SMARCC1: variants seen among roughly 807,000 people sequenced by gnomAD.
The protein encoded by SMARCC1 is SWI/SNF related BAF chromatin remodeling complex subunit C1, also known as SWI/SNF complex subunit SMARCC1.
In SMARCC1, 43 loss-of-function variants were observed where a neutral mutation model predicts 147.4. That is an observed-to-expected ratio of 0.29 (90% CI 0.23 to 0.38). The LOEUF (loss-of-function observed/expected upper bound fraction) is 0.38, where lower values mean the gene tolerates loss of function less well. Ranked by LOEUF, SMARCC1 falls within the 10% of genes least tolerant of loss-of-function variation. The pLI is 1.00. For missense variants in SMARCC1, 1,119 were observed against 1,381.1 expected (o/e 0.81, Z 3.01); for synonymous variants, 495 against 484.4 (o/e 1.02, Z -0.29).
chr3:47,722,293 A>AT (rs34260316), intron 6 of SMARCC1, among the ~76,000 whole-genome samples: 2,353 of 107,056 alleles, frequency 0.022, 146 homozygotes, highest in African/African-American at 0.068. Flanking sequence ...ACAAATTTTG[A>AT]TTTTTTTTTT....
rs71070217 is a variant in SMARCC1 at position 47,718,138 on chromosome 3, C to CAA, written c.716+2526_716+2527dup. ...TGGGTAACAGAGCAAGACCTTGTCT[C>CAA]AAAAAAAAAAAAAAAAAAAAAAAAG... On this transcript the variant is annotated intron_variant, in intron 7 of 27. Coordinates refer to ENST00000254480, the MANE Select transcript of SMARCC1 (RefSeq NM_003074.4). Among the ~76,000 whole-genome samples the CAA allele has an allele frequency of 6.2e-3, 334 of 53,542 alleles. 5 individuals are homozygous for CAA. The highest frequency in any genetic ancestry group is 0.035 in the South Asian group (43 of 1,234). 35.1% of individuals were successfully genotyped at this position (53,542 alleles called of 152,430 possible).
At chr3:47,629,898 T>C (rs927942055) in intron 24 of SMARCC1, among the ~76,000 whole-genome samples, 2 of 151,976 alleles carry the variant, frequency 1.3e-5, no homozygotes, top group African/African-American at 2.4e-5. Context: ...CATCGTTACA[T>C]AGCAATAAAT....
At chr3:47,743,734 A>AGTTCT (rs926616747) in intron 3 of SMARCC1, among the ~76,000 whole-genome samples, 3 of 150,384 alleles carry the variant, frequency 2.0e-5, no homozygotes, top group African/African-American at 7.4e-5. Context: ...AACTGCTTGA[A>AGTTCT]CCTGGGAGGT....
chr3:47,678,693 C>G (rs896629744), intron 15 of SMARCC1, among the ~76,000 whole-genome samples: 2 of 152,190 alleles, frequency 1.3e-5, no homozygotes, highest in African/African-American at 4.8e-5. Flanking sequence ...GTATGTCTGA[C>G]AATTGAATCC....
chr3:47,608,585 C>A (rs13085978), intron 26 of SMARCC1, among the ~76,000 whole-genome samples: 40,881 of 151,922 alleles, frequency 0.27, 6,090 homozygotes, highest in South Asian at 0.43. Flanking sequence ...AGAGCTCATG[C>A]CTGTAATCCC....
intron 25 of SMARCC1, among the ~76,000 whole-genome samples, chr3:47,621,413 C>T (rs548154505): frequency 1.3e-5 from 2 of 152,174 alleles, no homozygotes; most frequent in South Asian, 2.1e-4. Flanking sequence ...ACTAGGTGCC[C>T]ATCAATAGTG....
chr3:47,636,692 T>C (rs2032973207), intron 22 of SMARCC1, among the ~76,000 whole-genome samples: 2 of 151,572 alleles, frequency 1.3e-5, no homozygotes, highest in Non-Finnish European at 1.5e-5. Context: ...GAGGCAGAGA[T>C]TGCAGTGACC....
At chr3:47,637,579 G>A (rs1426547343) in intron 22 of SMARCC1, among the ~76,000 whole-genome samples, 13 of 152,154 alleles carry the variant, frequency 8.5e-5, no homozygotes, top group Admixed American at 8.5e-4. Flanking sequence ...GGATGTGGTG[G>A]CGCGTGGCTG....
intron 26 of SMARCC1, among the ~76,000 whole-genome samples, chr3:47,598,313 G>A (rs1193604789): frequency 2.6e-5 from 4 of 152,132 alleles, no homozygotes; most frequent in African/African-American, 7.2e-5. Flanking sequence ...GCCTGCAGAC[G>A]AAAGAACACT....
intron 19 of SMARCC1, among the ~76,000 whole-genome samples, chr3:47,667,152 C>A (rs1179215569): frequency 1.3e-5 from 2 of 151,764 alleles, no homozygotes; most frequent in African/African-American, 4.8e-5. Context: ...CTCGTCTCTA[C>A]TAAAAACACA....
At chr3:47,707,395 A>G (rs1476384307) in intron 9 of SMARCC1, among the ~76,000 whole-genome samples, 1 of 152,170 alleles carries the variant, frequency 6.6e-6, no homozygotes, top group African/African-American at 2.4e-5. Context: ...ACATAAAAAA[A>G]GCTTCCAGAC....
At chr3:47,608,338 C>T (rs1420060925) in intron 26 of SMARCC1, among the ~76,000 whole-genome samples, 1 of 152,130 alleles carries the variant, frequency 6.6e-6, no homozygotes, top group Non-Finnish European at 1.5e-5. Context: ...CCGCCCGCCT[C>T]GGCCTCCCAA....
chr3:47,676,866 G>C, intron 16 of SMARCC1, 84 bp from the exon 17 acceptor site: 1 of 1,232,256 alleles, frequency 8.1e-7, no homozygotes, highest in Admixed American at 2.1e-5. Context: ...TTAAAAAACA[G>C]AAACAATAAA....
intron 8 of SMARCC1, 60 bp downstream of exon 8, chr3:47,714,355 G>T: frequency 1.0e-6 from 1 of 956,170 alleles, no homozygotes; most frequent in Non-Finnish European, 1.7e-6. Context: ...AGAGTGAGAC[G>T]CCATCTCAAA....
At chr3:47,667,643 T>C (rs1299540865) in intron 19 of SMARCC1, among the ~76,000 whole-genome samples, 1 of 151,396 alleles carries the variant, frequency 6.6e-6, no homozygotes, top group Non-Finnish European at 1.5e-5. Context: ...CTCTGGGAGG[T>C]TGAGGCGGGC....
At chr3:47,772,687 A>T (rs1202828218) in intron 2 of SMARCC1, 130 bp downstream of exon 2, 1 of 796,622 alleles carries the variant, frequency 1.3e-6, no homozygotes, top group East Asian at 2.7e-5. Flanking sequence ...TTCTATAACT[A>T]AAATTTGTTT....
rs770367730 is a variant in SMARCC1 at position 47,687,691 on chromosome 3, C to A, written c.1264-1521G>T. 1.4e-4 allele frequency among the ~76,000 whole-genome samples: 22 copies of A among 152,194 alleles called. 1 individual carries two copies. The South Asian group carries it at 3.9e-3, about 27-fold the overall frequency. On this transcript the variant is annotated intron_variant, in intron 13 of 27. Coordinates refer to ENST00000254480, the MANE Select transcript of SMARCC1 (RefSeq NM_003074.4). The stretch of plus-strand genomic sequence containing the variant: ...TTGTGTTGTGCTGGCTGGTTTTGAA[C>A]TCCTGGGCTAAAAGTGATTCTCCCA...
intron 21 of SMARCC1, among the ~76,000 whole-genome samples, chr3:47,648,211 T>C (rs1232423385): frequency 2.6e-5 from 4 of 152,084 alleles, no homozygotes; most frequent in Non-Finnish European, 4.4e-5. Flanking sequence ...TGCAGGCTGG[T>C]CTCGAACCCC....
In SMARCC1 at chr3:47,721,229, C is replaced by A. The variant is rs748261708; in HGVS notation, c.647-494G>T. Among the ~76,000 whole-genome samples the A allele has an allele frequency of 2.0e-5, 3 of 152,164 alleles. No individual in the cohort carries two copies. The East Asian group carries it at 5.8e-4, about 29-fold the overall frequency. ...TTCCCTTTTTCTGATGTCCTATAAG[C>A]TGTAAAGTGCTACATCAAAGCTTTT... On this transcript the variant is annotated intron_variant, in intron 6 of 27. Transcript: ENST00000254480.
Sources: allele counts gnomAD v4.1 joint callset (sites outside exome capture counted in the v4.1 genomes callset), GRCh38; gene constraint gnomAD v4.1.1; transcripts MANE v1.5; gene names NCBI Gene and HGNC (gene_info 2026-07-23, HGNC 2026-07-21).